Variants in JAM3 observed in about 807,000 individuals in gnomAD.
JAM3 encodes the protein junctional adhesion molecule 3.
JAM3 carries 31 observed loss-of-function variants against 39.4 expected under a neutral mutation model. The observed-to-expected ratio is 0.79, with a 90% CI of 0.59 to 1.06. JAM3 has a LOEUF of 1.06. Among genes scored for constraint, JAM3 ranks in the 50% least tolerant of loss-of-function variants. The probability of loss-of-function intolerance (pLI) is 0.00; values close to 1 mark genes in which losing one functional copy is unlikely to be tolerated. For synonymous variants in JAM3, 182 were observed against 148.7 expected, an observed-to-expected ratio of 1.22 and a Z score of -1.63; for missense variants, 455 against 391.4, an observed-to-expected ratio of 1.16 and a Z score of -1.37.
chr11:134,138,868 C>T (rs1403390106), intron 1 of JAM3, among the ~76,000 whole-genome samples: 4 of 152,070 alleles, frequency 2.6e-5, no homozygotes, highest in African/African-American at 9.7e-5. Context: ...GTAGCTGGGC[C>T]ATTAAAGAAG....
At chr11:134,075,161 C>T (rs1381234667) in intron 1 of JAM3, among the ~76,000 whole-genome samples, 2 of 151,990 alleles carry the variant, frequency 1.3e-5, no homozygotes, top group Admixed American at 6.6e-5. Context: ...CTTCCCTTTA[C>T]CAGAGGGAAC....
intron 8 of JAM3, 79 bp from the exon 9 acceptor site, chr11:134,149,067 C>T (rs1422523157): frequency 1.3e-6 from 2 of 1,516,380 alleles, no homozygotes; most frequent in South Asian, 1.1e-5. Flanking sequence ...TGTATTTAGC[C>T]CATGTTAGAC....
chr11:134,150,176 G>A lies in JAM3; in HGVS notation c.*995G>A, dbSNP rs1294915169. On this transcript the variant is annotated 3_prime_UTR_variant, in exon 9 of 9. Transcript: ENST00000299106. ...CACAAGTTTTAGCCTTTTTCACAAG[G>A]GAACTCATACTGTCTACACATCAGA... is the stretch of plus-strand genomic sequence containing the variant. The A allele has an allele frequency of 6.5e-6, 1 of 153,674 alleles. No individual in the cohort carries two copies. Among genetic ancestry groups the A allele is most frequent in the East Asian group, 1.9e-4 (1 of 5,218 alleles). 9.5% of individuals were successfully genotyped at this position (153,674 alleles called of 1,614,324 possible).
intron 1 of JAM3, among the ~76,000 whole-genome samples, chr11:134,090,965 T>C (rs1941837287): frequency 6.6e-6 from 1 of 152,176 alleles, no homozygotes; most frequent in Non-Finnish European, 1.5e-5. Context: ...TACTTGCTGT[T>C]TTTCTATTCC....
At chr11:134,141,883 C>T (rs1565504493) in intron 3 of JAM3, among the ~76,000 whole-genome samples, 2 of 151,736 alleles carry the variant, frequency 1.3e-5, no homozygotes, top group East Asian at 2.0e-4. Context: ...GTGGAGTTCT[C>T]AGAGAAGTTG....
chr11:134,128,805 T>C (rs1942705454), intron 1 of JAM3, among the ~76,000 whole-genome samples: 1 of 152,228 alleles, frequency 6.6e-6, no homozygotes, highest in Non-Finnish European at 1.5e-5. Flanking sequence ...GGTAGTTCTT[T>C]ATAGTGTGAA....
At chr11:134,091,930 A>G (rs961494530) in intron 1 of JAM3, among the ~76,000 whole-genome samples, 3 of 151,782 alleles carry the variant, frequency 2.0e-5, no homozygotes, top group African/African-American at 7.3e-5. Flanking sequence ...TAATCTTACT[A>G]TCAGGGCAGT....
At chr11:134,104,942 T>C (rs1358190602) in intron 1 of JAM3, among the ~76,000 whole-genome samples, 1 of 152,148 alleles carries the variant, frequency 6.6e-6, no homozygotes, top group Non-Finnish European at 1.5e-5. Context: ...CAGGAGCTGG[T>C]ACCATTCCTT....
chr11:134,137,435 C>T (rs559541577), intron 1 of JAM3, among the ~76,000 whole-genome samples: 14 of 152,174 alleles, frequency 9.2e-5, no homozygotes, highest in Non-Finnish European at 1.9e-4. Flanking sequence ...TTTCTTATTT[C>T]TCTTGGCTTC....
In JAM3 at chr11:134,145,994, G is replaced by A; in HGVS notation, c.661G>A (p.Ala221Thr). 2 of 1,614,148 alleles carry A rather than the reference G, an allele frequency of 1.2e-6. No homozygotes were observed. Among genetic ancestry groups the A allele is most frequent in the Non-Finnish European group, 1.7e-6 (2 of 1,179,966 alleles). The change falls in exon 6 of 9, where the codon GCT becomes ACT. Residue 221 changes from alanine to threonine, a missense_variant. Physicochemically the swap from Ala to Thr is moderately conservative, Grantham distance 58. Coordinates refer to ENST00000299106, the MANE Select transcript of JAM3 (RefSeq NM_032801.5). ...KDDSGQYYCI[A>T]SNDAGSARCE... ...CGACTCTGGGCAGTACTACTGCATT[G>A]CTTCCAATGACGCAGGCTCAGCCAG...
intron 1 of JAM3, among the ~76,000 whole-genome samples, chr11:134,082,198 T>G (rs1437362901): frequency 6.6e-6 from 1 of 152,262 alleles, no homozygotes; most frequent in Non-Finnish European, 1.5e-5. Context: ...CTATACCACA[T>G]TGTATCTGGG....
intron 1 of JAM3, chr11:134,139,604 C>T (rs1942937392): frequency 3.8e-6 from 2 of 521,046 alleles, no homozygotes; most frequent in South Asian, 4.1e-5. Context: ...GGGCTTTGTT[C>T]TGGGACTAAA....
At position 134,081,789 on chromosome 11, in the gene JAM3, CCAGAATGATAGA is replaced by C. The variant is rs1941669891; in HGVS notation, c.76+12631_76+12642del. Among the ~76,000 whole-genome samples the C allele has an allele frequency of 2.6e-5, 4 of 152,292 alleles. No individual in the cohort carries two copies. In the South Asian group the frequency reaches 8.3e-4, roughly 32 times the overall value. ...GAAGAGGGCCACCATCCTCCAGACC[CCAGAATGATAGA>C]TCCACTGACAGCTTGCACTGTGCAC... On this transcript the variant is annotated intron_variant, in intron 1 of 8. Coordinates refer to ENST00000299106, the MANE Select transcript of JAM3 (RefSeq NM_032801.5).
At chr11:134,124,321 G>C (rs1487547137) in intron 1 of JAM3, 3 of 776,416 alleles carry the variant, frequency 3.9e-6, no homozygotes, top group Non-Finnish European at 7.0e-6. Flanking sequence ...GGGGCTGGAC[G>C]GTTCATTATG....
At chr11:134,120,040 C>G (rs1291893671) in intron 1 of JAM3, among the ~76,000 whole-genome samples, 2 of 151,872 alleles carry the variant, frequency 1.3e-5, no homozygotes, top group African/African-American at 4.8e-5. Context: ...TTATCCACCC[C>G]CACCTCCCAC....
At chr11:134,125,481 T>C (rs1191836818) in intron 1 of JAM3, among the ~76,000 whole-genome samples, 1 of 152,232 alleles carries the variant, frequency 6.6e-6, no homozygotes, top group Non-Finnish European at 1.5e-5. Context: ...GATTTTAATA[T>C]TGTATTTCTT....
intron 4 of JAM3, 135 bp from the exon 5 acceptor site, chr11:134,144,657 T>C: frequency 7.9e-6 from 7 of 888,670 alleles, no homozygotes; most frequent in Admixed American, 1.9e-5. Flanking sequence ...AGTCTGCAGT[T>C]GTGATCCTGG....
intron 1 of JAM3, among the ~76,000 whole-genome samples, chr11:134,120,432 A>G (rs1942509952): frequency 6.6e-6 from 1 of 152,234 alleles, no homozygotes; most frequent in Non-Finnish European, 1.5e-5. Context: ...GAGTGGAAAC[A>G]TTTTCTAAAA....
chr11:134,124,971 C>T (rs1942616443), intron 1 of JAM3, among the ~76,000 whole-genome samples: 1 of 152,188 alleles, frequency 6.6e-6, no homozygotes, highest in Non-Finnish European at 1.5e-5. Flanking sequence ...TCCTCAGTTA[C>T]CTCTGCGGCA....
Sources: allele counts gnomAD v4.1 joint callset (sites outside exome capture counted in the v4.1 genomes callset), GRCh38; gene constraint gnomAD v4.1.1; transcripts MANE v1.5; gene names NCBI Gene and HGNC (gene_info 2026-07-23, HGNC 2026-07-21).